CNOT10: variants seen among roughly 807,000 people sequenced by gnomAD.
CNOT10 encodes CCR4-NOT transcription complex subunit 10, also known as CCR4-NOT transcription complex, subunit 10.
Under a neutral mutation model 94.6 loss-of-function variants are expected in CNOT10, and 30 were observed. That is an observed-to-expected ratio of 0.32 (90% CI 0.24 to 0.43). CNOT10 has a LOEUF of 0.43. Ranked by LOEUF, CNOT10 falls within the 20% of genes least tolerant of loss-of-function variation. The pLI, the probability that CNOT10 is intolerant of heterozygous loss-of-function variation, is 1.00. For missense variants in CNOT10, 759 were observed against 877.2 expected, an observed-to-expected ratio of 0.87 and a Z score of 1.70; for synonymous variants, 289 against 301.6, an observed-to-expected ratio of 0.96 and a Z score of 0.43.
intron 13 of CNOT10, chr3:32,753,922 A>G: frequency 9.5e-7 from 1 of 1,056,298 alleles, no homozygotes; most frequent in Non-Finnish European, 1.4e-6. Flanking sequence ...TTGCTCTCAC[A>G]CACACACACA....
In CNOT10 at chr3:32,773,467, G is replaced by C. The variant is rs778072234; in HGVS notation, c.2091G>C (p.Gln697His). Residue 697 changes from glutamine (Q) to histidine (H), a missense_variant, in exon 19 of 19, where the codon CAG becomes CAC. Coordinates refer to ENST00000328834, the MANE Select transcript of CNOT10 (RefSeq NM_015442.3). ...VYLELQNGNTQLALQIIKRNQ... is the reference protein window; with the variant it reads ...VYLELQNGNTHLALQIIKRNQ... Reference sequence around the variant, plus strand: ...GAAGTGTTTTTATAGGTAATACTCAGCTGGCCTTACAGATCATCAAAAGGA... The same window carrying C: ...GAAGTGTTTTTATAGGTAATACTCACCTGGCCTTACAGATCATCAAAAGGA... 16 of 1,612,852 alleles carry C rather than the reference G, an allele frequency of 9.9e-6. No homozygotes were observed. The African/African-American group carries it at 1.3e-4, about 13-fold the overall frequency.
At chr3:32,708,927 C>A in intron 4 of CNOT10, 107 bp downstream of exon 4, 2 of 822,998 alleles carry the variant, frequency 2.4e-6, no homozygotes, top group Non-Finnish European at 3.6e-6. Context: ...TGCCAGTATT[C>A]AAAGAAAAGC....
At chr3:32,731,096 T>A (rs1020124666) in intron 10 of CNOT10, 1 of 152,224 alleles carries the variant, frequency 6.6e-6, no homozygotes, top group African/African-American at 2.4e-5. Context: ...GTAAATTGAT[T>A]ACCACAACTA....
chr3:32,727,618 A>G, intron 9 of CNOT10, 50 bp from the exon 10 acceptor site: 1 of 1,176,668 alleles, frequency 8.5e-7, no homozygotes, highest in Non-Finnish European at 1.3e-6. Context: ...TTTCAAGGTT[A>G]CTATTACTGT....
At chr3:32,705,739 G>C (rs1483266647) in intron 3 of CNOT10, among the ~76,000 whole-genome samples, 1 of 152,134 alleles carries the variant, frequency 6.6e-6, no homozygotes, top group African/African-American at 2.4e-5. Context: ...GCTTCATGCT[G>C]TTAGGGAGTC....
chr3:32,746,423 G>A (rs1334370327), intron 13 of CNOT10, among the ~76,000 whole-genome samples: 1 of 152,166 alleles, frequency 6.6e-6, no homozygotes, highest in Admixed American at 6.5e-5. Context: ...CCCTGAGCTT[G>A]TTTTCCTACA....
intron 1 of CNOT10, chr3:32,695,961 T>C: frequency 1.5e-6 from 1 of 663,268 alleles, no homozygotes; most frequent in Non-Finnish European, 2.5e-6. Flanking sequence ...ATAATCCTGT[T>C]GAAGAGAGTG....
rs779295603 is a variant in CNOT10, at chr3:32,737,495, G to C, written c.1595+5G>C. On this transcript the variant is annotated splice_donor_5th_base_variant and intron_variant, in intron 13 of 18. Transcript: ENST00000328834. ...ACAGGAATTAGAAAACTTAAAGTGA[G>C]TATCTAAACAAAATTAGCATTGCAT... 1 of 1,566,032 alleles carries C rather than the reference G, an allele frequency of 6.4e-7. No homozygotes were observed. Among genetic ancestry groups the C allele is most frequent in the Non-Finnish European group, 8.8e-7 (1 of 1,138,042 alleles).
At chr3:32,750,023 C>G (rs1699888190) in intron 13 of CNOT10, among the ~76,000 whole-genome samples, 1 of 152,006 alleles carries the variant, frequency 6.6e-6, no homozygotes, top group Admixed American at 6.6e-5. Context: ...TCAAGATCAG[C>G]CTGGCCTACA....
At chr3:32,722,672 C>G (rs1160454922) in intron 8 of CNOT10, among the ~76,000 whole-genome samples, 3 of 152,086 alleles carry the variant, frequency 2.0e-5, no homozygotes, top group African/African-American at 7.2e-5. Flanking sequence ...GGCCTTGTCT[C>G]TAAAAATAAA....
At chr3:32,765,116 T>G (rs779582020) in intron 17 of CNOT10, 4 of 632,582 alleles carry the variant, frequency 6.3e-6, no homozygotes, top group South Asian at 1.7e-5. Context: ...GTCAGGAGTT[T>G]GAGACCAGCC....
intron 10 of CNOT10, among the ~76,000 whole-genome samples, chr3:32,730,325 G>A (rs1425720279): frequency 6.6e-6 from 1 of 152,094 alleles, no homozygotes; most frequent in East Asian, 1.9e-4. Flanking sequence ...CCCCCTAGAG[G>A]AGAAGGAGCG....
intron 10 of CNOT10, among the ~76,000 whole-genome samples, chr3:32,730,305 C>G (rs538562094): frequency 6.6e-6 from 1 of 151,936 alleles, no homozygotes; most frequent in South Asian, 2.1e-4. Context: ...CTTACAAGGT[C>G]TCCTCCCCTC....
In CNOT10 at chr3:32,754,159, G is replaced by C. The variant is rs143821593; in HGVS notation, c.1596-5299G>C. ...TTTTTTGGATTATTGTAGACAAATT[G>C]GCATTAATATTTTTTTCTTTAGAAA... On this transcript the variant is annotated intron_variant, in intron 13 of 18. Coordinates refer to ENST00000328834, the MANE Select transcript of CNOT10 (RefSeq NM_015442.3). Among the ~76,000 whole-genome samples the C allele has an allele frequency of 2.2e-3, 340 of 151,928 alleles. 1 individual carries two copies. Among genetic ancestry groups the C allele is most frequent in the African/African-American group, 7.7e-3 (317 of 41,422 alleles).
At chr3:32,752,471 T>C (rs1370710945) in intron 13 of CNOT10, among the ~76,000 whole-genome samples, 1 of 152,188 alleles carries the variant, frequency 6.6e-6, no homozygotes, top group Non-Finnish European at 1.5e-5. Context: ...TGACTTTATA[T>C]TTTATTTGCT....
At chr3:32,695,898 C>A in intron 1 of CNOT10, 2 of 1,251,272 alleles carry the variant, frequency 1.6e-6, no homozygotes, top group South Asian at 1.4e-5. Flanking sequence ...AAAATGAATA[C>A]CCATTTCTGG....
At chr3:32,761,868 G>C (rs1419927837) in intron 14 of CNOT10, among the ~76,000 whole-genome samples, 2 of 150,712 alleles carry the variant, frequency 1.3e-5, no homozygotes, top group African/African-American at 4.9e-5. Flanking sequence ...CATCTCCCGG[G>C]TTCAAGCGAT....
chr3:32,713,393 C>T, intron 5 of CNOT10, 24 bp downstream of exon 5: 1 of 1,533,202 alleles, frequency 6.5e-7, no homozygotes, highest in Non-Finnish European at 8.8e-7. Context: ...GGTGATCAGA[C>T]TAAAATCTAA....
intron 6 of CNOT10, among the ~76,000 whole-genome samples, chr3:32,716,746 C>T (rs532984404): frequency 1.3e-5 from 2 of 152,294 alleles, no homozygotes; most frequent in East Asian, 3.9e-4. Context: ...CTCCCAGTTT[C>T]AAGCGATTCT....
Sources: allele counts gnomAD v4.1 joint callset (sites outside exome capture counted in the v4.1 genomes callset), GRCh38; gene constraint gnomAD v4.1.1; transcripts MANE v1.5; gene names NCBI Gene and HGNC (gene_info 2026-07-23, HGNC 2026-07-21).